The following CUL5 variants were observed in gnomAD, a reference collection of about 807,000 sequenced individuals.
The protein encoded by CUL5 is cullin 5, also known as cullin-5.
A neutral mutation model predicts 108.8 loss-of-function variants in CUL5; 26 were observed. The ratio of observed to expected loss-of-function variants is 0.24; its 90% confidence interval spans 0.18 to 0.33. The LOEUF is 0.33. CUL5 is among the 10% of genes least tolerant of loss of function. The pLI is 1.00. For synonymous variants in CUL5, 334 were observed against 298.0 expected (o/e 1.12, Z -1.25); for missense variants, 524 against 909.2 (o/e 0.58, Z 5.45).
At chr11:108,019,155 A>G (rs1247506040) in intron 1 of CUL5, among the ~76,000 whole-genome samples, 2 of 126,800 alleles carry the variant, frequency 1.6e-5, no homozygotes, top group Non-Finnish European at 3.1e-5. Context: ...GCCATTTTCT[A>G]TCAAGGACTT....
At position 108,107,047 on chromosome 11, in the gene CUL5, C is replaced by T. The variant is rs1243022938; in HGVS notation, c.*2663C>T. 6.7e-6 allele frequency: 1 copy of T among 149,764 alleles called. No homozygotes were observed. Among genetic ancestry groups the T allele is most frequent in the African/African-American group, 2.5e-5 (1 of 40,570 alleles). 9.3% of individuals were successfully genotyped at this position (149,764 alleles called of 1,614,324 possible). A position where few individuals can be genotyped will look rare whatever the true frequency, so the allele number is the denominator to read the frequency against. ...AAAAATATAGAAAAATTTTGATGGT[C>T]ACAATGAGATAAATATTAGAATATT... On this transcript the variant is annotated 3_prime_UTR_variant, in exon 19 of 19. Coordinates refer to ENST00000393094, the MANE Select transcript of CUL5 (RefSeq NM_003478.6).
chr11:108,064,331 A>G (rs1048483851), intron 7 of CUL5, among the ~76,000 whole-genome samples: 2 of 152,184 alleles, frequency 1.3e-5, no homozygotes, highest in Non-Finnish European at 2.9e-5. Flanking sequence ...CATTTGATCA[A>G]TTTGTGTATG....
chr11:108,065,976 A>T (rs1275474805), intron 7 of CUL5, among the ~76,000 whole-genome samples: 6 of 151,938 alleles, frequency 3.9e-5, no homozygotes, highest in Admixed American at 3.9e-4. Context: ...GACCATTTGT[A>T]TTTATTCTTT....
Position 108,094,908 on chromosome 11 carries a change from T to C in CUL5, c.1664T>C (p.Ile555Thr). The C allele has an allele frequency of 6.2e-7, 1 of 1,613,408 alleles. No homozygotes were observed. Among genetic ancestry groups the C allele is most frequent in the Non-Finnish European group, 8.5e-7 (1 of 1,179,484 alleles). ...VSLPTELEDLIPEVEEFYKKN... is the reference protein window; with the variant it reads ...VSLPTELEDLTPEVEEFYKKN... ...CTTCCTACTGAACTGGAGGACTTGA[T>C]ACCGGAAGTAGAAGAATTCTACAAA... is the stretch of plus-strand genomic sequence containing the variant. Residue 555 changes from isoleucine to threonine, a missense_variant, in exon 15 of 19, where the codon ATA (isoleucine) becomes ACA (threonine). Ile to Thr is a moderately conservative substitution (Grantham distance 89, BLOSUM62 -1). This residue lies in a region of CUL5 where 64 missense variants were observed against 152.0 expected (regional missense o/e 0.42). Transcript: ENST00000393094.
At position 108,089,594 on chromosome 11, in the gene CUL5, A is replaced by G; in HGVS notation, c.1414A>G (p.Ile472Val). 1 of 1,547,718 alleles carries G rather than the reference A, an allele frequency of 6.5e-7. No individual in the cohort carries two copies. Among genetic ancestry groups the G allele is most frequent in the Non-Finnish European group, 8.6e-7 (1 of 1,157,026 alleles). Residue 472 changes from isoleucine to valine, a missense_variant, in exon 13 of 19, where the codon ATT (isoleucine) becomes GTT (valine). Around this residue, in one of 8 missense-constraint regions of CUL5, gnomAD observed 76 missense variants for 168.3 expected, o/e 0.45. Coordinates refer to ENST00000393094, the MANE Select transcript of CUL5 (RefSeq NM_003478.6). ...LILDISADSE[I>V]EENMVEWLRE... The stretch of plus-strand genomic sequence containing the variant: ...ATTAGACATCTCTGCCGATAGTGAA[A>G]TTGAAGAAAACATGGTAGAGTGGCT...
intron 11 of CUL5, chr11:108,084,781 C>T (rs1864181637): frequency 6.6e-6 from 1 of 152,022 alleles, no homozygotes; most frequent in Non-Finnish European, 1.5e-5. Context: ...CACTTCATAC[C>T]CAGTAGGATG....
intron 16 of CUL5, among the ~76,000 whole-genome samples, chr11:108,096,605 C>T (rs1178753784): frequency 2.6e-5 from 3 of 114,286 alleles, no homozygotes; most frequent in East Asian, 2.7e-4. Flanking sequence ...ACACTCTTGT[C>T]GCTCAGGCTG....
intron 18 of CUL5, among the ~76,000 whole-genome samples, chr11:108,100,202 T>A (rs1478828941): frequency 6.6e-6 from 1 of 152,138 alleles, no homozygotes; most frequent in Non-Finnish European, 1.5e-5. Flanking sequence ...GAAAATATTT[T>A]AAAAATCTGT....
chr11:108,071,849 CA>C (rs1396719890), intron 8 of CUL5, among the ~76,000 whole-genome samples: 3 of 152,112 alleles, frequency 2.0e-5, no homozygotes, highest in African/African-American at 7.2e-5. Flanking sequence ...CCACCACACC[CA>C]GCCTGATCAC....
chr11:108,075,287 C>A (rs1863916521), intron 10 of CUL5, among the ~76,000 whole-genome samples: 1 of 151,752 alleles, frequency 6.6e-6, no homozygotes, highest in Admixed American at 6.6e-5. Flanking sequence ...GCTACTTGAA[C>A]TTAATTCTGC....
chr11:108,044,625 A>G (rs185860042), intron 2 of CUL5, among the ~76,000 whole-genome samples: 1 of 152,234 alleles, frequency 6.6e-6, no homozygotes, highest in African/African-American at 2.4e-5. Flanking sequence ...TATGAATTGA[A>G]TGAATCACTG....
At chr11:108,040,640 C>G (rs1184925810) in intron 2 of CUL5, among the ~76,000 whole-genome samples, 1 of 139,500 alleles carries the variant, frequency 7.2e-6, no homozygotes, top group Admixed American at 7.2e-5. Context: ...AAAAAATTAG[C>G]CAGTCGTGGT....
intron 11 of CUL5, among the ~76,000 whole-genome samples, chr11:108,088,104 T>C (rs1349518174): frequency 6.6e-5 from 10 of 152,080 alleles, no homozygotes; most frequent in Admixed American, 6.6e-4. Context: ...TAGGTTATAT[T>C]GGATACATTT....
intron 7 of CUL5, among the ~76,000 whole-genome samples, chr11:108,059,034 C>A (rs1278527325): frequency 1.3e-5 from 2 of 152,144 alleles, no homozygotes; most frequent in African/African-American, 4.8e-5. Flanking sequence ...CAGAGTCTCG[C>A]TATGTTGCCC....
chr11:108,051,896 A>G (rs1209238266), intron 4 of CUL5, among the ~76,000 whole-genome samples: 1 of 152,226 alleles, frequency 6.6e-6, no homozygotes, highest in African/African-American at 2.4e-5. Flanking sequence ...CATTTTATAC[A>G]TAAGAAAGCA....
intron 8 of CUL5, among the ~76,000 whole-genome samples, 175 bp downstream of exon 8, chr11:108,070,364 A>G (rs975695179): frequency 6.6e-6 from 1 of 152,170 alleles, no homozygotes; most frequent in Non-Finnish European, 1.5e-5. Flanking sequence ...CACTGCTAAG[A>G]GTATATAAAC....
rs923006026 is a variant in CUL5 at position 108,062,100 on chromosome 11, A to G, written c.780+7145A>G. Among the ~76,000 whole-genome samples the G allele has an allele frequency of 3.3e-5, 5 of 152,346 alleles. No homozygotes were observed. In the East Asian group the frequency reaches 7.7e-4, roughly 23 times the overall value. On this transcript the variant is annotated intron_variant, in intron 7 of 18. Coordinates refer to ENST00000393094, the MANE Select transcript of CUL5 (RefSeq NM_003478.6). The stretch of plus-strand genomic sequence containing the variant: ...ACAGAGCCAAAGCATATCACAATCT[A>G]TATTATAATGTAACCTATATGCACT...
intron 4 of CUL5, 27 bp from the exon 5 acceptor site, chr11:108,052,633 T>C (rs562965097): frequency 3.2e-6 from 5 of 1,565,012 alleles, no homozygotes; most frequent in African/African-American, 1.4e-5. Flanking sequence ...TTGAAAATTA[T>C]GTTACAATTT....
At chr11:108,027,665 T>C (rs1242569150) in intron 1 of CUL5, among the ~76,000 whole-genome samples, 1 of 152,152 alleles carries the variant, frequency 6.6e-6, no homozygotes, top group Non-Finnish European at 1.5e-5. Flanking sequence ...CGCCTCAGCC[T>C]CCCAGTGTTG....
Sources: allele counts gnomAD v4.1 joint callset (sites outside exome capture counted in the v4.1 genomes callset), GRCh38; gene constraint gnomAD v4.1.1; regional missense constraint gnomAD v4.1.1; transcripts MANE v1.5; gene names NCBI Gene and HGNC (gene_info 2026-07-23, HGNC 2026-07-21).